RAB5C: variants seen among roughly 807,000 people sequenced by gnomAD.
RAB5C encodes RAB5C, member RAS oncogene family.
RAB5C carries 4 observed loss-of-function variants against 25.2 expected under a neutral mutation model. The observed-to-expected ratio is 0.16, with a 90% CI of 0.08 to 0.36. The LOEUF is 0.36. Ranked by LOEUF, RAB5C falls within the 10% of genes least tolerant of loss-of-function variation. The pLI is 1.00. For synonymous variants in RAB5C, 100 were observed against 106.4 expected (o/e 0.94, Z 0.37); for missense variants, 199 against 283.8 (o/e 0.70, Z 2.15).
At chr17:42,137,442 G>A (rs189934031) in intron 1 of RAB5C, among the ~76,000 whole-genome samples, 15 of 152,022 alleles carry the variant, frequency 9.9e-5, no homozygotes, top group African/African-American at 3.4e-4. Flanking sequence ...TTATACATAA[G>A]TCACATGTCA....
chr17:42,142,164 TAAAA>T (rs34759135), intron 1 of RAB5C, among the ~76,000 whole-genome samples: 1 of 136,112 alleles, frequency 7.3e-6, no homozygotes, highest in Non-Finnish European at 1.6e-5. Context: ...CATAACCTCT[TAAAA>T]AAAAAAAAAA....
At position 42,125,606 on chromosome 17, in the gene RAB5C, G is replaced by A. The variant is rs1555668538; in HGVS notation, c.*177C>T. 2 of 584,006 alleles carry A rather than the reference G, an allele frequency of 3.4e-6. No homozygotes were observed. The highest frequency in any genetic ancestry group is 6.1e-6 in the Non-Finnish European group (2 of 327,440). 36.2% of individuals were successfully genotyped at this position (584,006 alleles called of 1,614,324 possible). On this transcript the variant is annotated 3_prime_UTR_variant, in exon 6 of 6. Coordinates refer to ENST00000346213, the MANE Select transcript of RAB5C (RefSeq NM_004583.4). ...ATTGAATTAGTATTTGTACAGAAAG[G>A]TGCAGGTGGAATGACTCACTCCGGC...
rs1281866646 is a variant in RAB5C at position 42,125,685 on chromosome 17, C to G, written c.*98G>C. 7 of 794,560 alleles carry G rather than the reference C, an allele frequency of 8.8e-6. 1 individual carries two copies. The highest frequency in any genetic ancestry group is 8.1e-5 in the East Asian group (3 of 37,060). The allele number at this position is 794,560 out of a possible 1,614,324, so 49.2% of individuals were successfully genotyped here. ...TGGTGGACCCCTCCCCCTGCCCCCC[C>G]AGTGGTGGCCCGAGTCGTTAAGTGC... On this transcript the variant is annotated 3_prime_UTR_variant, in exon 6 of 6. Coordinates refer to ENST00000346213, the MANE Select transcript of RAB5C (RefSeq NM_004583.4).
intron 1 of RAB5C, chr17:42,137,965 C>G (rs1202488819): frequency 6.6e-6 from 1 of 151,612 alleles, no homozygotes; most frequent in Non-Finnish European, 1.5e-5. Context: ...AAATGTTAAA[C>G]ACAAATAAGG....
intron 1 of RAB5C, among the ~76,000 whole-genome samples, chr17:42,140,969 C>T (rs976939164): frequency 6.6e-6 from 1 of 152,074 alleles, no homozygotes; most frequent in African/African-American, 2.4e-5. Flanking sequence ...GCTGGGACTA[C>T]GGGCGCATGC....
intron 2 of RAB5C, among the ~76,000 whole-genome samples, 156 bp from the exon 3 acceptor site, chr17:42,128,956 G>A (rs1283819957): frequency 2.6e-5 from 4 of 152,162 alleles, no homozygotes; most frequent in East Asian, 1.9e-4. Context: ...TGAGTGGGGG[G>A]TGGAGTTTGG....
intron 1 of RAB5C, among the ~76,000 whole-genome samples, chr17:42,138,853 C>T (rs756045149): frequency 1.1e-4 from 17 of 152,352 alleles, no homozygotes; most frequent in African/African-American, 2.2e-4. Flanking sequence ...TCAGCCAGGA[C>T]AGAGCACAGC....
At chr17:42,127,837 T>C (rs1048118339) in intron 4 of RAB5C, among the ~76,000 whole-genome samples, 1 of 151,410 alleles carries the variant, frequency 6.6e-6, no homozygotes, top group Non-Finnish European at 1.5e-5. Context: ...GTTTTTTTTT[T>C]TTTTTTAAAG....
In RAB5C at chr17:42,147,086, AAGAAAGAAAGAAGGAAAGAC is replaced by A. The variant is rs1175668123; in HGVS notation, c.-89+7787_-89+7806del. On this transcript the variant is annotated intron_variant, in intron 1 of 5. Transcript: ENST00000346213. ...AGAAAGAAAGAAAAAGAAAGAAAGAAAGAAAGAAAGAAGGAAAGACAGAAAGAAAGAAAGAAACAGAAAGA... is the reference window on the plus strand; with the variant it reads ...AGAAAGAAAGAAAAAGAAAGAAAGAAAGAAAGAAAGAAAGAAACAGAAAGA... Among the ~76,000 whole-genome samples the A allele has an allele frequency of 3.3e-5, 5 of 151,716 alleles. No homozygotes were observed. The South Asian group carries it at 6.2e-4, about 19-fold the overall frequency.
At chr17:42,154,421 G>C (rs1171687867) in intron 1 of RAB5C, among the ~76,000 whole-genome samples, 2 of 152,152 alleles carry the variant, frequency 1.3e-5, no homozygotes, top group Non-Finnish European at 2.9e-5. Flanking sequence ...ACTTCTGTGC[G>C]TGTGGAACGG....
chr17:42,125,603 AAGGTGC>A lies in RAB5C; in HGVS notation c.*174_*179del. ...AAAATTGAATTAGTATTTGTACAGAAAGGTGCAGGTGGAATGACTCACTCCGGCCTA... is the reference window on the plus strand; with the variant it reads ...AAAATTGAATTAGTATTTGTACAGAAAGGTGGAATGACTCACTCCGGCCTA... On this transcript the variant is annotated 3_prime_UTR_variant, in exon 6 of 6. Transcript: ENST00000346213. 1 of 577,158 alleles carries A rather than the reference AAGGTGC, an allele frequency of 1.7e-6. No individual in the cohort carries two copies. Among genetic ancestry groups the A allele is most frequent in the South Asian group, 2.2e-5 (1 of 45,132 alleles). 35.8% of individuals were successfully genotyped at this position (577,158 alleles called of 1,614,324 possible).
At chr17:42,147,210 C>G (rs1006370384) in intron 1 of RAB5C, among the ~76,000 whole-genome samples, 1 of 151,634 alleles carries the variant, frequency 6.6e-6, no homozygotes, top group Non-Finnish European at 1.5e-5. Flanking sequence ...CAGAGGATAT[C>G]CAAGTACTGC....
At chr17:42,135,546 A>T (rs2054528166) in intron 1 of RAB5C, among the ~76,000 whole-genome samples, 1 of 152,146 alleles carries the variant, frequency 6.6e-6, no homozygotes, top group Non-Finnish European at 1.5e-5. Context: ...TGATATACGA[A>T]GGAGGGAGAA....
chr17:42,145,962 A>G (rs2079632617), intron 1 of RAB5C, among the ~76,000 whole-genome samples: 1 of 152,054 alleles, frequency 6.6e-6, no homozygotes, highest in Non-Finnish European at 1.5e-5. Flanking sequence ...GCGTACCACC[A>G]TGCCTGGCTA....
chr17:42,131,100 G>A (rs973580331), intron 1 of RAB5C, among the ~76,000 whole-genome samples: 1 of 152,194 alleles, frequency 6.6e-6, no homozygotes, highest in Non-Finnish European at 1.5e-5. Flanking sequence ...GCTCCTCAGA[G>A]AAGGTGCTTG....
At chr17:42,128,034 G>A (rs2054445810) in intron 4 of RAB5C, among the ~76,000 whole-genome samples, 1 of 152,048 alleles carries the variant, frequency 6.6e-6, no homozygotes, top group Non-Finnish European at 1.5e-5. Context: ...CGCCTAGGCT[G>A]GTCTCGAACT....
At chr17:42,137,876 ACT>A (rs1489158487) in intron 1 of RAB5C, 1 of 151,538 alleles carries the variant, frequency 6.6e-6, no homozygotes, top group Non-Finnish European at 1.5e-5. Flanking sequence ...AGAGAGCGAG[ACT>A]CTGTCTCAAA....
chr17:42,126,961 G>A (rs984903550), intron 4 of RAB5C, 113 bp from the exon 5 acceptor site: 4 of 621,802 alleles, frequency 6.4e-6, no homozygotes, highest in Non-Finnish European at 1.2e-5. Context: ...ATAGAGATCA[G>A]CTGGACACAC....
intron 1 of RAB5C, among the ~76,000 whole-genome samples, chr17:42,136,646 T>C (rs1033275379): frequency 6.6e-6 from 1 of 152,224 alleles, no homozygotes; most frequent in Non-Finnish European, 1.5e-5. Context: ...AGTATCAGGC[T>C]GAAGGTGAGC....
Sources: allele counts gnomAD v4.1 joint callset (sites outside exome capture counted in the v4.1 genomes callset), GRCh38; gene constraint gnomAD v4.1.1; transcripts MANE v1.5; gene names NCBI Gene and HGNC (gene_info 2026-07-23, HGNC 2026-07-21).